NCAM2: variants seen among roughly 807,000 people sequenced by gnomAD.
NCAM2 encodes the protein neural cell adhesion molecule 2, also known as N-CAM-2.
NCAM2 carries 30 observed loss-of-function variants against 98.1 expected under a neutral mutation model. The observed-to-expected ratio is 0.31, with a 90% CI of 0.23 to 0.41. The LOEUF (loss-of-function observed/expected upper bound fraction) is 0.41, where lower values mean the gene tolerates loss of function less well. Ranked by LOEUF, NCAM2 falls within the 10% of genes least tolerant of loss-of-function variation. NCAM2 has a pLI of 1.00. For synonymous variants in NCAM2, 368 were observed against 342.4 expected (o/e 1.07, Z -0.83); for missense variants, 867 against 1,005.8 (o/e 0.86, Z 1.87).
rs184248574 is a variant in NCAM2, at chr21:21,120,854, G to T, written c.55+122236G>T. 4.8e-3 allele frequency among the ~76,000 whole-genome samples: 726 copies of T among 151,996 alleles called. 4 individuals carry two copies. Among genetic ancestry groups the T allele is most frequent in the African/African-American group, 0.015 (633 of 41,464 alleles). On this transcript the variant is annotated intron_variant, in intron 1 of 17. Coordinates refer to ENST00000400546, the MANE Select transcript of NCAM2 (RefSeq NM_004540.5). ...CTGCCTCAGCCTCCCGAGTAGCTGG[G>T]ATTACAGGTGGGTGCCACCAAGCCT...
intron 15 of NCAM2, among the ~76,000 whole-genome samples, chr21:21,503,113 G>T (rs1325868594): frequency 6.6e-6 from 1 of 151,776 alleles, no homozygotes; most frequent in East Asian, 1.9e-4. Flanking sequence ...GCATACAATA[G>T]TCCCTGCTTT....
intron 1 of NCAM2, among the ~76,000 whole-genome samples, chr21:21,165,666 C>G (rs945287162): frequency 3.3e-5 from 5 of 152,198 alleles, no homozygotes; most frequent in East Asian, 1.9e-4. Context: ...GGCATACACT[C>G]TCTTACAATA....
intron 1 of NCAM2, among the ~76,000 whole-genome samples, chr21:21,056,731 A>C (rs2065220892): frequency 6.6e-6 from 1 of 152,032 alleles, no homozygotes; most frequent in South Asian, 2.1e-4. Flanking sequence ...AATTGTTGCT[A>C]CTCATAGAAA....
At chr21:21,242,644 T>C (rs8126595) in intron 1 of NCAM2, among the ~76,000 whole-genome samples, 14,909 of 152,154 alleles carry the variant, frequency 0.098, 1,516 homozygotes, top group East Asian at 0.51. Flanking sequence ...TTTATCTCTG[T>C]TGTTGGAAAT....
chr21:21,511,473 T>C (rs1303326939), intron 16 of NCAM2, among the ~76,000 whole-genome samples: 3 of 151,986 alleles, frequency 2.0e-5, no homozygotes, highest in Non-Finnish European at 2.9e-5. Context: ...ATTGTGTATT[T>C]AGCAAATTTT....
At chr21:21,376,861 G>T (rs114091290) in intron 9 of NCAM2, among the ~76,000 whole-genome samples, 406 of 151,770 alleles carry the variant, frequency 2.7e-3, no homozygotes, top group African/African-American at 9.4e-3. Context: ...AGGGATGAAA[G>T]GTCTTGTTTT....
At chr21:21,449,292 A>G (rs1489144733) in intron 12 of NCAM2, among the ~76,000 whole-genome samples, 1 of 152,026 alleles carries the variant, frequency 6.6e-6, no homozygotes, top group African/African-American at 2.4e-5. Flanking sequence ...TGAGAAAACA[A>G]ATATGAATAT....
intron 1 of NCAM2, among the ~76,000 whole-genome samples, chr21:21,201,911 G>A (rs987269858): frequency 3.3e-5 from 5 of 152,036 alleles, no homozygotes; most frequent in Admixed American, 2.6e-4. Context: ...AATATGGATG[G>A]GTCTCAAAAT....
At chr21:21,376,027 T>C (rs1209881545) in intron 9 of NCAM2, among the ~76,000 whole-genome samples, 1 of 151,786 alleles carries the variant, frequency 6.6e-6, no homozygotes, top group Non-Finnish European at 1.5e-5. Flanking sequence ...TCGTACAAGA[T>C]ATGCTAGTAT....
chr21:21,500,485 T>C (rs1347009645), intron 15 of NCAM2, among the ~76,000 whole-genome samples: 1 of 152,100 alleles, frequency 6.6e-6, no homozygotes. Context: ...TATCAGTGGT[T>C]CCATATAAAA....
intron 1 of NCAM2, among the ~76,000 whole-genome samples, chr21:21,016,471 G>A (rs1299001227): frequency 6.6e-6 from 1 of 152,144 alleles, no homozygotes; most frequent in Non-Finnish European, 1.5e-5. Context: ...ATTTTAAAGA[G>A]TTTAGATGAC....
chr21:21,339,177 G>A (rs1180404787), intron 8 of NCAM2, among the ~76,000 whole-genome samples: 1 of 152,020 alleles, frequency 6.6e-6, no homozygotes, highest in African/African-American at 2.4e-5. Context: ...TAAAGCAAAA[G>A]AGTAATTTAA....
intron 1 of NCAM2, among the ~76,000 whole-genome samples, chr21:21,274,517 A>C (rs2147454593): frequency 6.6e-6 from 1 of 152,338 alleles, no homozygotes; most frequent in South Asian, 2.1e-4. Flanking sequence ...ACTGTTATAA[A>C]AATCCAATAA....
chr21:21,113,155 C>A (rs1487734699), intron 1 of NCAM2, among the ~76,000 whole-genome samples: 1 of 152,096 alleles, frequency 6.6e-6, no homozygotes, highest in Non-Finnish European at 1.5e-5. Context: ...AAAACCAAAC[C>A]AAACAAAACT....
chr21:21,466,600 T>G lies in NCAM2; in HGVS notation c.1655-6T>G, dbSNP rs1390738768. The G allele has an allele frequency of 6.4e-7, 1 of 1,565,884 alleles. No individual in the cohort carries two copies. Among genetic ancestry groups the G allele is most frequent in the Admixed American group, 1.9e-5 (1 of 53,304 alleles). On this transcript the variant is annotated splice_polypyrimidine_tract_variant and splice_region_variant and intron_variant, in intron 12 of 17. Transcript: ENST00000400546. ...TTTATTTTGTTTTGTTTTGTTTTTC[T>G]TCTAGCAATGGTTGTTTTGAACAAC...
intron 1 of NCAM2, among the ~76,000 whole-genome samples, chr21:21,075,867 A>G (rs1437399587): frequency 6.6e-6 from 1 of 152,218 alleles, no homozygotes; most frequent in East Asian, 1.9e-4. Context: ...CTGTAATCCC[A>G]GCACTTTGGG....
chr21:20,999,815 A>G (rs915787808), intron 1 of NCAM2, among the ~76,000 whole-genome samples: 2 of 152,154 alleles, frequency 1.3e-5, no homozygotes, highest in African/African-American at 4.8e-5. Flanking sequence ...CTGCTCTTCC[A>G]CAGAGTCCTT....
intron 1 of NCAM2, among the ~76,000 whole-genome samples, chr21:21,264,209 G>A (rs1486054272): frequency 6.6e-6 from 1 of 152,008 alleles, no homozygotes; most frequent in Admixed American, 6.6e-5. Context: ...CCTCTTAAAA[G>A]AAGACATACA....
intron 9 of NCAM2, among the ~76,000 whole-genome samples, chr21:21,387,457 C>T (rs1043889071): frequency 6.6e-6 from 1 of 151,754 alleles, no homozygotes; most frequent in African/African-American, 2.4e-5. Context: ...ATTTCCACAG[C>T]GTGAGGGGAC....
Sources: allele counts gnomAD v4.1 joint callset (sites outside exome capture counted in the v4.1 genomes callset), GRCh38; gene constraint gnomAD v4.1.1; transcripts MANE v1.5; gene names NCBI Gene and HGNC (gene_info 2026-07-23, HGNC 2026-07-21).